The following NAXE variants were observed in gnomAD, a reference collection of about 807,000 sequenced individuals.
NAXE encodes the protein NAD(P)H-hydrate epimerase.
A neutral mutation model predicts 31.2 loss-of-function variants in NAXE; 25 were observed. The observed-to-expected ratio is 0.80, with a 90% CI of 0.58 to 1.12. The LOEUF is 1.12. NAXE is among the 50% of genes most tolerant of loss of function. NAXE has a pLI of 0.00. For synonymous variants in NAXE, 144 were observed against 154.5 expected, an observed-to-expected ratio of 0.93 and a Z score of 0.50; for missense variants, 362 against 376.1, an observed-to-expected ratio of 0.96 and a Z score of 0.31.
intron 4 of NAXE, 93 bp downstream of exon 4, chr1:156,592,763 G>C: frequency 8.4e-7 from 1 of 1,191,134 alleles, no homozygotes; most frequent in Non-Finnish European, 1.2e-6. Flanking sequence ...TCATTTTAGT[G>C]CCTGGTACGG....
chr1:156,592,320 T>C, intron 2 of NAXE, 45 bp from the exon 3 acceptor site: 1 of 1,607,044 alleles, frequency 6.2e-7, no homozygotes, highest in Non-Finnish European at 8.5e-7. Context: ...ATATGGTCTA[T>C]TACCGCCTGA....
chr1:156,592,484 G>A lies in NAXE; in HGVS notation c.402+9G>A. 1 of 1,613,988 alleles carries A rather than the reference G, an allele frequency of 6.2e-7. No homozygotes were observed. The highest frequency in any genetic ancestry group is 8.5e-7 in the Non-Finnish European group (1 of 1,179,854). On this transcript the variant is annotated intron_variant, in intron 3 of 5. Transcript: ENST00000368235. Reference sequence around the variant, plus strand: ...GACACCTCAAACTCTTTGTGAGTATGTGGGGAGGGGCTGTGGGGGAGGAGG... The same window carrying A: ...GACACCTCAAACTCTTTGTGAGTATATGGGGAGGGGCTGTGGGGGAGGAGG...
chr1:156,592,777 G>T, intron 4 of NAXE, 107 bp downstream of exon 4: 1 of 1,021,222 alleles, frequency 9.8e-7, no homozygotes, highest in Non-Finnish European at 1.5e-6. Flanking sequence ...GGTACGGAAG[G>T]TGCCTAACGG....
At chr1:156,592,015 T>C (rs751289151) in intron 1 of NAXE, 29 bp downstream of exon 1, 1 of 1,613,448 alleles carries the variant, frequency 6.2e-7, no homozygotes. Context: ...TGGCCTGCTC[T>C]GCCCCGGGGC....
chr1:156,592,896 TC>T (rs1677376500), intron 4 of NAXE: 1 of 557,102 alleles, frequency 1.8e-6, no homozygotes, highest in Non-Finnish European at 3.2e-6. Context: ...ATCTCCCTGG[TC>T]CCTCCTTCCA....
In NAXE at chr1:156,592,543, C is replaced by T. The variant is rs780654033; in HGVS notation, c.403-14C>T. On this transcript the variant is annotated splice_polypyrimidine_tract_variant and intron_variant, in intron 3 of 5. Coordinates refer to ENST00000368235, the MANE Select transcript of NAXE (RefSeq NM_144772.3). ...GCTCTGGGATCTGGGGTTGAATTAC[C>T]ACTTTCTTCCTAGGGCTACGAGCCA... 18 of 1,613,626 alleles carry T rather than the reference C, an allele frequency of 1.1e-5. No homozygotes were observed. Among genetic ancestry groups the T allele is most frequent in the Non-Finnish European group, 1.4e-5 (17 of 1,179,724 alleles).
Position 156,593,549 on chromosome 1 carries a change from C to G in NAXE, c.658C>G (p.Pro220Ala). 6.2e-7 allele frequency: 1 copy of G among 1,614,172 alleles called. No homozygotes were observed. The highest frequency in any genetic ancestry group is 8.5e-7 in the Non-Finnish European group (1 of 1,180,028). ...LTVPIASIDI[P>A]SGWDVEKGNA... is the part of the protein sequence containing the mutation. ...TGTGCCCATTGCCAGCATCGACATT[C>G]CCTCAGGTGCTGGGATCCAGAAGGT... The change falls in exon 5 of 6, where the codon CCC becomes GCC. Residue 220 changes from proline to alanine, a missense_variant. Physicochemically the swap from Pro to Ala is conservative, Grantham distance 27. Coordinates refer to ENST00000368235, the MANE Select transcript of NAXE (RefSeq NM_144772.3).
At chr1:156,592,318 T>C (rs1316788684) in intron 2 of NAXE, 47 bp from the exon 3 acceptor site, 1 of 1,606,346 alleles carries the variant, frequency 6.2e-7, no homozygotes, top group Admixed American at 1.7e-5. Context: ...CAATATGGTC[T>C]ATTACCGCCT....
At chr1:156,593,176 G>C in intron 4 of NAXE, 1 of 516,240 alleles carries the variant, frequency 1.9e-6, no homozygotes, top group Non-Finnish European at 3.4e-6. Flanking sequence ...TCAGCCTGTA[G>C]CCTCCCCAGT....
chr1:156,593,581 G>A, intron 5 of NAXE, 26 bp downstream of exon 5: 1 of 1,613,898 alleles, frequency 6.2e-7, no homozygotes, highest in East Asian at 2.2e-5. Flanking sequence ...AGGTGGGGTG[G>A]GGGAGATTGG....
chr1:156,593,221 T>C, intron 4 of NAXE, 187 bp from the exon 5 acceptor site: 4 of 678,338 alleles, frequency 5.9e-6, no homozygotes, highest in Admixed American at 3.6e-5. Context: ...GAACAAAAAC[T>C]GTCTGGTCTC....
chr1:156,591,941 G>A lies in NAXE; in HGVS notation c.137G>A (p.Arg46His). Residue 46 changes from arginine (R) to histidine (H), a missense_variant, in exon 1 of 6, where the codon CGC (arginine) becomes CAC (histidine). By Grantham distance (29) the Arg-to-His change is conservative (BLOSUM62 0). Transcript: ENST00000368235. ...WGPQRLNSGG[R>H]WDSEVMASTV... Reference sequence around the variant, plus strand: ...CCGCAGCGGCTGAACTCGGGTGGCCGCTGGGACTCAGAGGTCATGGCGAGC... The same window carrying A: ...CCGCAGCGGCTGAACTCGGGTGGCCACTGGGACTCAGAGGTCATGGCGAGC... The A allele has an allele frequency of 3.1e-6, 5 of 1,612,854 alleles. No homozygotes were observed. The highest frequency in any genetic ancestry group is 1.3e-5 in the African/African-American group (1 of 75,030).
chr1:156,594,054 TGACACC>T lies in NAXE; in HGVS notation c.840_845del (p.Asp280_Thr281del), dbSNP rs1677422655. On this transcript the variant is annotated inframe_deletion, in exon 6 of 6. Transcript: ENST00000368235. ...ACCAGCTGAACCTGCCACCCTACCC[TGACACC>T]GAGTGTGTCTATCGTCTGCAGTGAG... is the stretch of plus-strand genomic sequence containing the variant. 6.2e-7 allele frequency: 1 copy of T among 1,613,442 alleles called. No homozygotes were observed. The highest frequency in any genetic ancestry group is 2.2e-5 in the East Asian group (1 of 44,756).
chr1:156,592,042 G>T, intron 1 of NAXE, 56 bp downstream of exon 1: 1 of 1,613,542 alleles, frequency 6.2e-7, no homozygotes, highest in Non-Finnish European at 8.5e-7. Context: ...TGGGACGGCC[G>T]GGCCACCTGC....
At chr1:156,593,670 C>T in intron 5 of NAXE, 115 bp downstream of exon 5, 1 of 1,460,770 alleles carries the variant, frequency 6.8e-7, no homozygotes, top group Non-Finnish European at 9.4e-7. Flanking sequence ...GCTTTCTGGA[C>T]CCCCATCAGG....
In NAXE at chr1:156,593,682, C is replaced by T. The variant is rs879812256; in HGVS notation, c.664+127C>T. 7.0e-6 allele frequency: 10 copies of T among 1,425,162 alleles called. No individual in the cohort carries two copies. In the African/African-American group the frequency reaches 1.3e-4, roughly 18 times the overall value. The allele number at this position is 1,425,162 out of a possible 1,614,324, so 88.3% of individuals were successfully genotyped here. On this transcript the variant is annotated intron_variant, in intron 5 of 5. Transcript: ENST00000368235. Reference sequence around the variant, plus strand: ...ACAGCTTTCTGGACCCCCATCAGGGCTGGGGAACAGTGTTCAGAAGTCCCC... The same window carrying T: ...ACAGCTTTCTGGACCCCCATCAGGGTTGGGGAACAGTGTTCAGAAGTCCCC...
In NAXE at chr1:156,592,224, T is replaced by C; in HGVS notation, c.291+15T>C. On this transcript the variant is annotated intron_variant, in intron 2 of 5. Transcript: ENST00000368235. Reference sequence around the variant, plus strand: ...CCATCGCCAAGGTCAGTGGCACAACTCTCGACCTTTGGGAGCAGCCAGGGA... The same window carrying C: ...CCATCGCCAAGGTCAGTGGCACAACCCTCGACCTTTGGGAGCAGCCAGGGA... 5.0e-6 allele frequency: 8 copies of C among 1,613,532 alleles called. No homozygotes were observed. The highest frequency in any genetic ancestry group is 6.8e-6 in the Non-Finnish European group (8 of 1,179,866).
At position 156,594,036 on chromosome 1, in the gene NAXE, G is replaced by A; in HGVS notation, c.819G>A (p.Leu273=). The change falls in exon 6 of 6, where the codon CTG becomes CTA. Residue 273 remains leucine (L), a synonymous_variant. Transcript: ENST00000368235. ...VPPALEKKYQ[L]NLPPYPDTEC... The stretch of plus-strand genomic sequence containing the variant: ...CTGCTCTGGAGAAGAAGTACCAGCT[G>A]AACCTGCCACCCTACCCTGACACCG... 1 of 1,614,116 alleles carries A rather than the reference G, an allele frequency of 6.2e-7. No homozygotes were observed. Among genetic ancestry groups the A allele is most frequent in the Non-Finnish European group, 8.5e-7 (1 of 1,179,988 alleles).
At chr1:156,593,280 C>T in intron 4 of NAXE, 128 bp from the exon 5 acceptor site, 2 of 1,238,468 alleles carry the variant, frequency 1.6e-6, no homozygotes, top group Non-Finnish European at 1.1e-6. Context: ...AGGCCTCAGG[C>T]TGCCCTCTGA....
Sources: allele counts gnomAD v4.1 joint callset, GRCh38; gene constraint gnomAD v4.1.1; transcripts MANE v1.5; gene names NCBI Gene and HGNC (gene_info 2026-07-23, HGNC 2026-07-21).